DNAI4: variants seen among roughly 807,000 people sequenced by gnomAD.
DNAI4 encodes the protein dynein axonemal intermediate chain 4, also known as WD repeat domain 78.
In DNAI4, 85 loss-of-function variants were observed where a neutral mutation model predicts 105.8. The ratio of observed to expected loss-of-function variants is 0.80; its 90% CI spans 0.67 to 0.96. DNAI4 has a LOEUF of 0.96. Ranked by LOEUF, DNAI4 falls within the 40% of genes least tolerant of loss-of-function variation. The pLI, the probability that DNAI4 is intolerant of heterozygous loss-of-function variation, is 0.00. For synonymous variants in DNAI4, 352 were observed against 331.5 expected (o/e 1.06, Z -0.67); for missense variants, 1,014 against 1,005.6 (o/e 1.01, Z -0.11).
chr1:66,829,738 A>T (rs1645828924), intron 13 of DNAI4, among the ~76,000 whole-genome samples: 1 of 152,250 alleles, frequency 6.6e-6, no homozygotes, highest in African/African-American at 2.4e-5. Context: ...TTTATAGAAT[A>T]TTCTAACCAA....
At chr1:66,827,320 A>C (rs1474806892) in intron 14 of DNAI4, among the ~76,000 whole-genome samples, 1 of 152,082 alleles carries the variant, frequency 6.6e-6, no homozygotes, top group African/African-American at 2.4e-5. Context: ...AAAAGAAATG[A>C]GGGAGAAAAT....
chr1:66,894,418 T>C (rs1184481626), intron 2 of DNAI4, among the ~76,000 whole-genome samples: 4 of 152,336 alleles, frequency 2.6e-5, no homozygotes, highest in Admixed American at 1.3e-4. Context: ...TCCTTTCAGT[T>C]GTATGAGCTG....
At chr1:66,852,648 A>G (rs1646420775) in intron 7 of DNAI4, among the ~76,000 whole-genome samples, 1 of 152,124 alleles carries the variant, frequency 6.6e-6, no homozygotes, top group Admixed American at 6.6e-5. Context: ...CAGAAAAATC[A>G]CTTGACAAAT....
intron 8 of DNAI4, among the ~76,000 whole-genome samples, 168 bp from the exon 9 acceptor site, chr1:66,840,839 C>A (rs528996996): frequency 6.6e-6 from 1 of 152,308 alleles, no homozygotes; most frequent in Non-Finnish European, 1.5e-5. Flanking sequence ...GGACCTGTGG[C>A]AGAGTCTTCT....
chr1:66,824,685 T>C (rs1645711534), intron 15 of DNAI4, among the ~76,000 whole-genome samples: 1 of 152,116 alleles, frequency 6.6e-6, no homozygotes, highest in Non-Finnish European at 1.5e-5. Flanking sequence ...TGAATGGGAA[T>C]TCACTCATGA....
intron 6 of DNAI4, among the ~76,000 whole-genome samples, chr1:66,868,173 G>A (rs1646771505): frequency 6.6e-6 from 1 of 152,026 alleles, no homozygotes; most frequent in Admixed American, 6.5e-5. Context: ...AATGCCTTGA[G>A]GGTTCAAATT....
chr1:66,817,731 C>G (rs946726568), intron 16 of DNAI4, among the ~76,000 whole-genome samples: 1 of 152,120 alleles, frequency 6.6e-6, no homozygotes, highest in Non-Finnish European at 1.5e-5. Flanking sequence ...AGTGATCCAG[C>G]AACATGGGCA....
At chr1:66,838,513 T>C (rs1646078460) in intron 9 of DNAI4, among the ~76,000 whole-genome samples, 2 of 152,226 alleles carry the variant, frequency 1.3e-5, no homozygotes, top group South Asian at 4.1e-4. Context: ...TATAATATAT[T>C]GTTACGGCAG....
At chr1:66,892,989 G>GAA (rs1553227511) in intron 3 of DNAI4, among the ~76,000 whole-genome samples, 1 of 118,306 alleles carries the variant, frequency 8.5e-6, no homozygotes. Context: ...AAGAAAGAAA[G>GAA]AAAGAAAGAG....
chr1:66,845,608 G>A (rs148998671), intron 8 of DNAI4, among the ~76,000 whole-genome samples: 15 of 152,234 alleles, frequency 9.9e-5, no homozygotes, highest in African/African-American at 3.6e-4. Context: ...AAATATGCAA[G>A]TGTCCCTCAG....
chr1:66,852,105 T>C (rs1366868079), intron 7 of DNAI4, among the ~76,000 whole-genome samples: 2 of 151,846 alleles, frequency 1.3e-5, no homozygotes, highest in Admixed American at 6.6e-5. Flanking sequence ...AAAGTGATAA[T>C]AACAAACAAC....
At chr1:66,921,684 T>C (rs1169785200) in intron 1 of DNAI4, among the ~76,000 whole-genome samples, 1 of 152,204 alleles carries the variant, frequency 6.6e-6, no homozygotes, top group African/African-American at 2.4e-5. Flanking sequence ...AAAATTTCTA[T>C]ACCTTAAGGT....
At chr1:66,920,167 G>GAAATCA (rs1650363382) in intron 1 of DNAI4, among the ~76,000 whole-genome samples, 1 of 152,162 alleles carries the variant, frequency 6.6e-6, no homozygotes, top group Non-Finnish European at 1.5e-5. Flanking sequence ...CTGGACGTTG[G>GAAATCA]AAGTCAGAGA....
chr1:66,849,993 G>A (rs1286703157), intron 7 of DNAI4, among the ~76,000 whole-genome samples: 1 of 151,906 alleles, frequency 6.6e-6, no homozygotes, highest in East Asian at 1.9e-4. Flanking sequence ...GCCTGAAAAA[G>A]TACTTAAAGA....
At position 66,813,375 on chromosome 1, in the gene DNAI4, C is replaced by T. The variant is rs1645453125; in HGVS notation, c.*755G>A. The T allele has an allele frequency of 6.6e-6, 1 of 152,272 alleles. No homozygotes were observed. The allele number at this position is 152,272 out of a possible 1,614,324, so 9.4% of individuals were successfully genotyped here. A position where few individuals can be genotyped will look rare whatever the true frequency, so the allele number is the denominator to read the frequency against. ...ATTTCCGCAACCTTGCTCTAGAACT[C>T]TTCATAAAATAACATCCTGATGTGG... On this transcript the variant is annotated 3_prime_UTR_variant, in exon 17 of 17. Transcript: ENST00000371026.
chr1:66,900,539 G>C (rs932074653), intron 2 of DNAI4, among the ~76,000 whole-genome samples: 1 of 151,978 alleles, frequency 6.6e-6, no homozygotes, highest in Non-Finnish European at 1.5e-5. Context: ...CATGACCATG[G>C]GATACTTTCC....
intron 2 of DNAI4, among the ~76,000 whole-genome samples, chr1:66,903,635 A>C (rs1569852376): frequency 6.6e-6 from 1 of 152,166 alleles, no homozygotes. Context: ...CTGGGATTAC[A>C]GGCACCTGCC....
At chr1:66,861,837 A>C (rs146373448) in intron 7 of DNAI4, among the ~76,000 whole-genome samples, 20 of 152,310 alleles carry the variant, frequency 1.3e-4, no homozygotes, top group Admixed American at 1.0e-3. Context: ...CCTTTTTCTC[A>C]TAAGTAATCT....
intron 2 of DNAI4, among the ~76,000 whole-genome samples, chr1:66,904,200 A>G (rs2100827172): frequency 6.6e-6 from 1 of 152,262 alleles, no homozygotes; most frequent in East Asian, 1.9e-4. Context: ...AGTAGTGTTT[A>G]TATAAACTTA....
Sources: allele counts gnomAD v4.1 joint callset (sites outside exome capture counted in the v4.1 genomes callset), GRCh38; gene constraint gnomAD v4.1.1; transcripts MANE v1.5; gene names NCBI Gene and HGNC (gene_info 2026-07-23, HGNC 2026-07-21).